Variants in MEI4 observed in about 807,000 individuals in gnomAD.
The protein encoded by MEI4 is meiotic double-stranded break formation protein 4.
MEI4 carries 27 observed loss-of-function variants against 31.4 expected under a neutral mutation model. The ratio of observed to expected loss-of-function variants is 0.86; its 90% CI spans 0.63 to 1.19. The LOEUF is 1.19. Among genes scored for constraint, MEI4 ranks in the 50% most tolerant of loss-of-function variants. MEI4 has a pLI of 0.00. For synonymous variants in MEI4, 122 were observed against 145.4 expected (o/e 0.84, Z 1.16); for missense variants, 329 against 398.9 (o/e 0.82, Z 1.49).
intron 2 of MEI4, among the ~76,000 whole-genome samples, chr6:77,729,464 T>C (rs2127666545): frequency 6.6e-6 from 1 of 152,350 alleles, no homozygotes; most frequent in East Asian, 1.9e-4. Flanking sequence ...TGGCATAGGA[T>C]GTGGGTTAGT....
At chr6:77,901,267 T>C (rs1482759037) in intron 4 of MEI4, among the ~76,000 whole-genome samples, 1 of 151,942 alleles carries the variant, frequency 6.6e-6, no homozygotes, top group Admixed American at 6.6e-5. Context: ...GCTAGCAACA[T>C]TTTTTTGAAT....
At chr6:77,750,029 A>C (rs1767727254) in intron 2 of MEI4, among the ~76,000 whole-genome samples, 1 of 152,234 alleles carries the variant, frequency 6.6e-6, no homozygotes, top group African/African-American at 2.4e-5. Flanking sequence ...GAGCTTCATA[A>C]GCGAAGGAGA....
rs1463847807 is a variant in MEI4 at position 77,717,133 on chromosome 6, G to T, written c.232+26230G>T. ...CTTCGTATTTATTGATCATCTGTGG[G>T]TGTTTCTCAAAGAGGGGGATGTGTC... On this transcript the variant is annotated intron_variant, in intron 2 of 4. Transcript: ENST00000684080. 1.1e-4 allele frequency among the ~76,000 whole-genome samples: 14 copies of T among 132,962 alleles called. No individual in the cohort carries two copies. In the East Asian group the frequency reaches 3.1e-3, roughly 30 times the overall value. The allele number at this position is 132,962 out of a possible 152,430, so 87.2% of individuals were successfully genotyped here. A position where few individuals can be genotyped will look rare whatever the true frequency, so the allele number is the denominator to read the frequency against.
At chr6:77,807,369 T>C (rs1187111715) in intron 3 of MEI4, among the ~76,000 whole-genome samples, 1 of 152,120 alleles carries the variant, frequency 6.6e-6, no homozygotes, top group Non-Finnish European at 1.5e-5. Context: ...AATCATATGT[T>C]TGTTTGTTTT....
intron 2 of MEI4, among the ~76,000 whole-genome samples, chr6:77,736,216 G>A (rs886669149): frequency 2.6e-5 from 4 of 152,034 alleles, no homozygotes; most frequent in African/African-American, 4.8e-5. Flanking sequence ...GGGCAATGGC[G>A]GGCGCCCCTC....
chr6:77,766,797 T>C lies in MEI4; in HGVS notation c.768+5132T>C, dbSNP rs144648177. 1.4e-3 allele frequency among the ~76,000 whole-genome samples: 212 copies of C among 152,336 alleles called. 1 individual carries two copies. Among genetic ancestry groups the C allele is most frequent in the African/African-American group, 4.5e-3 (186 of 41,570 alleles). On this transcript the variant is annotated intron_variant, in intron 3 of 4. Transcript: ENST00000684080. Reference sequence around the variant, plus strand: ...GTTGTATCTTGAAACTTATTCATGCTGTAATTGTATTGACCAGTAAAATAT... The same window carrying C: ...GTTGTATCTTGAAACTTATTCATGCCGTAATTGTATTGACCAGTAAAATAT...
At chr6:77,764,709 C>T (rs1561979919) in intron 3 of MEI4, among the ~76,000 whole-genome samples, 1 of 152,140 alleles carries the variant, frequency 6.6e-6, no homozygotes, top group East Asian at 1.9e-4. Context: ...AATTTTAGGT[C>T]ACAAAACATG....
chr6:77,704,432 G>C (rs1163871967), intron 2 of MEI4, among the ~76,000 whole-genome samples: 1 of 152,106 alleles, frequency 6.6e-6, no homozygotes, highest in Non-Finnish European at 1.5e-5. Context: ...TTATCTAAAA[G>C]GTTAAATATA....
intron 3 of MEI4, among the ~76,000 whole-genome samples, chr6:77,764,843 A>C (rs1465497406): frequency 2.0e-5 from 3 of 152,172 alleles, no homozygotes; most frequent in Non-Finnish European, 4.4e-5. Context: ...AAACTAAACA[A>C]TACAATTTTG....
chr6:77,925,854 A>ACAT lies in MEI4; in HGVS notation c.*2509_*2511dup, dbSNP rs541396884. ...AAAATATATGAATAAGTAATATTAT[A>ACAT]CATATATATACGATATGTATAATAA... On this transcript the variant is annotated 3_prime_UTR_variant, in exon 5 of 5. Coordinates refer to ENST00000684080, the MANE Select transcript of MEI4 (RefSeq NM_001322247.2). The ACAT allele has an allele frequency of 1.4e-3, 203 of 149,292 alleles. 1 individual carries two copies. The highest frequency in any genetic ancestry group is 4.4e-3 in the African/African-American group (179 of 41,016). The allele number at this position is 149,292 out of a possible 1,614,324, so 9.2% of individuals were successfully genotyped here. A position where few individuals can be genotyped will look rare whatever the true frequency, so the allele number is the denominator to read the frequency against.
At chr6:77,729,343 A>G (rs1266160498) in intron 2 of MEI4, among the ~76,000 whole-genome samples, 2 of 152,218 alleles carry the variant, frequency 1.3e-5, no homozygotes, top group Non-Finnish European at 2.9e-5. Context: ...AAAAGTTGCA[A>G]CGTTAGGCAT....
At chr6:77,850,129 T>C (rs1770580109) in intron 4 of MEI4, among the ~76,000 whole-genome samples, 1 of 152,178 alleles carries the variant, frequency 6.6e-6, no homozygotes, top group South Asian at 2.1e-4. Context: ...TTTTATTTCA[T>C]TGAGCAGTGG....
intron 2 of MEI4, among the ~76,000 whole-genome samples, chr6:77,741,854 G>A (rs1402195757): frequency 4.2e-5 from 6 of 143,834 alleles, no homozygotes; most frequent in African/African-American, 1.6e-4. Flanking sequence ...CCACCTATGA[G>A]TGAGAACATG....
At chr6:77,919,460 G>T (rs553977756) in intron 4 of MEI4, among the ~76,000 whole-genome samples, 21 of 151,950 alleles carry the variant, frequency 1.4e-4, no homozygotes, top group African/African-American at 4.6e-4. Context: ...CGAGAACAAA[G>T]ACACAACATA....
intron 4 of MEI4, among the ~76,000 whole-genome samples, chr6:77,871,311 G>T (rs1036225639): frequency 6.6e-6 from 1 of 152,028 alleles, no homozygotes; most frequent in Non-Finnish European, 1.5e-5. Context: ...AAAAACAAAA[G>T]TCTACCTAAA....
At chr6:77,884,792 C>T (rs1256678930) in intron 4 of MEI4, among the ~76,000 whole-genome samples, 1 of 152,136 alleles carries the variant, frequency 6.6e-6, no homozygotes, top group Non-Finnish European at 1.5e-5. Flanking sequence ...TAGTGTGATG[C>T]TTCCAGCTTT....
chr6:77,865,848 G>A (rs1246346901), intron 4 of MEI4, among the ~76,000 whole-genome samples: 10 of 152,144 alleles, frequency 6.6e-5, no homozygotes, highest in East Asian at 1.9e-4. Context: ...CTGGCAAACC[G>A]AATCCAGCAG....
intron 2 of MEI4, among the ~76,000 whole-genome samples, chr6:77,734,986 G>A (rs1031053586): frequency 1.3e-5 from 2 of 151,976 alleles, no homozygotes; most frequent in Non-Finnish European, 2.9e-5. Flanking sequence ...GGCTTGTAGG[G>A]TTTCTGCCGA....
intron 4 of MEI4, among the ~76,000 whole-genome samples, chr6:77,844,797 A>G (rs935105026): frequency 6.6e-6 from 1 of 152,130 alleles, no homozygotes; most frequent in Non-Finnish European, 1.5e-5. Context: ...TTAGAAAAGG[A>G]AAAGAGTCCA....
Sources: allele counts gnomAD v4.1 joint callset (sites outside exome capture counted in the v4.1 genomes callset), GRCh38; gene constraint gnomAD v4.1.1; transcripts MANE v1.5; gene names NCBI Gene and HGNC (gene_info 2026-07-23, HGNC 2026-07-21).